Variants in ZNF827 observed in about 807,000 individuals in gnomAD.
ZNF827 encodes zinc finger protein 827.
In ZNF827, 13 loss-of-function variants were observed where a neutral mutation model predicts 102.4. The ratio of observed to expected loss-of-function variants is 0.13; its 90% CI spans 0.08 to 0.20. ZNF827 has a LOEUF of 0.20. Among genes scored for constraint, ZNF827 ranks in the 10% least tolerant of loss-of-function variants. The pLI, the probability that ZNF827 is intolerant of heterozygous loss-of-function variation, is 1.00. For synonymous variants in ZNF827, 523 were observed against 536.2 expected, an observed-to-expected ratio of 0.98 and a Z score of 0.34; for missense variants, 1,103 against 1,344.4, an observed-to-expected ratio of 0.82 and a Z score of 2.81.
intron 6 of ZNF827, among the ~76,000 whole-genome samples, chr4:145,847,064 G>C (rs1406950944): frequency 3.3e-5 from 5 of 152,100 alleles, no homozygotes; most frequent in Non-Finnish European, 7.4e-5. Flanking sequence ...TGAGGCAGGA[G>C]AATTGCTTGA....
chr4:145,861,244 T>C (rs1279905773), intron 5 of ZNF827, among the ~76,000 whole-genome samples: 1 of 152,254 alleles, frequency 6.6e-6, no homozygotes, highest in South Asian at 2.1e-4. Flanking sequence ...GGAATGAGAA[T>C]GCTTTTGATA....
chr4:145,823,532 TG>T lies in ZNF827; in HGVS notation c.2280-8del. 2 of 1,383,944 alleles carry T rather than the reference TG, an allele frequency of 1.4e-6. No homozygotes were observed. The highest frequency in any genetic ancestry group is 2.0e-6 in the Non-Finnish European group (2 of 1,015,664). 85.7% of individuals were successfully genotyped at this position (1,383,944 alleles called of 1,614,324 possible). A position where few individuals can be genotyped will look rare whatever the true frequency, so the allele number is the denominator to read the frequency against. ...GTCTTCTGAAAAGAAAGGGCTGGGG[TG>T]GGGGAGGGGGAGTGAAGTTTAGTAA... is the stretch of plus-strand genomic sequence containing the variant. On this transcript the variant is annotated splice_region_variant and splice_polypyrimidine_tract_variant and intron_variant, in intron 7 of 14. Coordinates refer to ENST00000508784, the MANE Select transcript of ZNF827 (RefSeq NM_001306215.2).
At chr4:145,868,019 T>C (rs1299506554) in intron 5 of ZNF827, among the ~76,000 whole-genome samples, 3 of 152,226 alleles carry the variant, frequency 2.0e-5, no homozygotes, top group African/African-American at 7.2e-5. Flanking sequence ...TTTCCTAACA[T>C]CTTCATTCTT....
chr4:145,856,172 T>C (rs1747088927), intron 5 of ZNF827, among the ~76,000 whole-genome samples: 1 of 151,996 alleles, frequency 6.6e-6, no homozygotes, highest in Admixed American at 6.6e-5. Flanking sequence ...TTTTTTGTAT[T>C]TTTAGTAGAG....
intron 8 of ZNF827, among the ~76,000 whole-genome samples, chr4:145,805,914 G>A (rs1024584115): frequency 6.6e-6 from 1 of 151,846 alleles, no homozygotes; most frequent in African/African-American, 2.4e-5. Context: ...TCACCTTCTG[G>A]GGAGTCTTTT....
chr4:145,891,729 G>C (rs755348432), intron 3 of ZNF827, among the ~76,000 whole-genome samples: 21 of 152,264 alleles, frequency 1.4e-4, no homozygotes, highest in African/African-American at 5.1e-4. Flanking sequence ...TTAAAGGCCC[G>C]GTGCCTTCAC....
intron 5 of ZNF827, among the ~76,000 whole-genome samples, chr4:145,867,124 C>T (rs1003391263): frequency 4.6e-5 from 7 of 152,204 alleles, no homozygotes; most frequent in African/African-American, 1.4e-4. Context: ...TGTCACATAA[C>T]AACAAGTAGT....
At chr4:145,904,938 A>T (rs1042956638) in intron 1 of ZNF827, among the ~76,000 whole-genome samples, 19 of 152,370 alleles carry the variant, frequency 1.2e-4, no homozygotes, top group African/African-American at 4.6e-4. Flanking sequence ...GGATGAGCAC[A>T]AAGAGGCCAG....
At chr4:145,845,864 G>C (rs1266597131) in intron 7 of ZNF827, 92 bp downstream of exon 7, 1 of 1,314,754 alleles carries the variant, frequency 7.6e-7, no homozygotes, top group Admixed American at 1.8e-5. Flanking sequence ...AACCCAGTGG[G>C]AGAAAGAGGT....
intron 5 of ZNF827, among the ~76,000 whole-genome samples, chr4:145,868,158 T>C (rs1748369855): frequency 6.6e-6 from 1 of 152,202 alleles, no homozygotes. Flanking sequence ...TGCCTATTGT[T>C]ATGACTAAAA....
intron 3 of ZNF827, among the ~76,000 whole-genome samples, chr4:145,889,417 A>G (rs1288338736): frequency 1.3e-5 from 2 of 152,158 alleles, no homozygotes; most frequent in Non-Finnish European, 2.9e-5. Flanking sequence ...TATTATCTCC[A>G]TTAGTGGAAA....
At chr4:145,769,374 C>G (rs1446233141) in intron 11 of ZNF827, among the ~76,000 whole-genome samples, 1 of 152,080 alleles carries the variant, frequency 6.6e-6, no homozygotes, top group Non-Finnish European at 1.5e-5. Flanking sequence ...ACCCTGAATC[C>G]CTGATACTGC....
At chr4:145,780,463 C>T (rs1245458150) in intron 8 of ZNF827, among the ~76,000 whole-genome samples, 2 of 152,176 alleles carry the variant, frequency 1.3e-5, no homozygotes, top group Admixed American at 6.5e-5. Flanking sequence ...TTTGGGAAAA[C>T]AGTGCCACAA....
At chr4:145,829,287 T>C (rs886378760) in intron 7 of ZNF827, among the ~76,000 whole-genome samples, 6 of 152,190 alleles carry the variant, frequency 3.9e-5, no homozygotes, top group African/African-American at 1.4e-4. Flanking sequence ...ACTAGATAGA[T>C]CAGGGTGGCA....
At chr4:145,894,853 T>C (rs1028399805) in intron 2 of ZNF827, among the ~76,000 whole-genome samples, 2 of 152,190 alleles carry the variant, frequency 1.3e-5, no homozygotes, top group Non-Finnish European at 2.9e-5. Context: ...ATTATGTCTC[T>C]TGTCTTCTAT....
chr4:145,906,782 G>T (rs577445680), intron 1 of ZNF827, among the ~76,000 whole-genome samples: 24 of 152,288 alleles, frequency 1.6e-4, no homozygotes, highest in African/African-American at 4.8e-4. Flanking sequence ...ACTGTTTGTG[G>T]CTCCTAAAAT....
intron 1 of ZNF827, among the ~76,000 whole-genome samples, chr4:145,927,396 T>A (rs986437002): frequency 6.6e-6 from 1 of 152,220 alleles, no homozygotes; most frequent in Non-Finnish European, 1.5e-5. Flanking sequence ...AGTATTTTCA[T>A]AAACTTATGA....
At chr4:145,773,401 CAG>C (rs1736581345) in intron 11 of ZNF827, among the ~76,000 whole-genome samples, 1 of 152,186 alleles carries the variant, frequency 6.6e-6, no homozygotes, top group South Asian at 2.1e-4. Context: ...CAGAGAAACA[CAG>C]AGAGATCCTC....
chr4:145,764,565 G>C (rs527727488), intron 13 of ZNF827: 28 of 181,630 alleles, frequency 1.5e-4, no homozygotes, highest in African/African-American at 6.2e-4. Context: ...GGGTGGGGTG[G>C]TTGCAATGCT....
Sources: allele counts gnomAD v4.1 joint callset (sites outside exome capture counted in the v4.1 genomes callset), GRCh38; gene constraint gnomAD v4.1.1; transcripts MANE v1.5; gene names NCBI Gene and HGNC (gene_info 2026-07-23, HGNC 2026-07-21).